The following FBXL12 variants were observed in gnomAD, a reference collection of about 807,000 sequenced individuals.
FBXL12 encodes F-box and leucine rich repeat protein 12, also known as F-box/LRR-repeat protein 12.
Under a neutral mutation model 24.9 loss-of-function variants are expected in FBXL12, and 22 were observed. That is an observed-to-expected ratio of 0.88 (90% CI 0.63 to 1.26). The LOEUF is 1.26. FBXL12 is among the 50% of genes most tolerant of loss of function. The pLI, the probability that FBXL12 is intolerant of heterozygous loss-of-function variation, is 0.00. For synonymous variants in FBXL12, 193 were observed against 193.8 expected (o/e 1.00, Z 0.03); for missense variants, 384 against 434.1 (o/e 0.88, Z 1.03).
intron 2 of FBXL12, chr19:9,814,640 T>C (rs1221227388): frequency 1.4e-5 from 2 of 141,748 alleles, no homozygotes; most frequent in Non-Finnish European, 3.0e-5. Context: ...GAGGTTGCAG[T>C]GAGCTGAGAT....
rs573743182 is a variant in FBXL12 at position 9,818,528 on chromosome 19, C to A, written c.159+17G>T. 2 of 1,540,616 alleles carry A rather than the reference C, an allele frequency of 1.3e-6. No individual in the cohort carries two copies. Among genetic ancestry groups the A allele is most frequent in the African/African-American group, 1.4e-5 (1 of 73,332 alleles). Reference sequence around the variant, plus strand: ...ACCGCGACCGCGGCCCAGGCCCGCCCGGCCAGCTGCGCGTACCGTGTAGAG... The same window carrying A: ...ACCGCGACCGCGGCCCAGGCCCGCCAGGCCAGCTGCGCGTACCGTGTAGAG... On this transcript the variant is annotated intron_variant, in intron 2 of 2. Transcript: ENST00000247977.
rs533301173 is a variant in FBXL12 at position 9,810,921 on chromosome 19, T to C, written c.956A>G (p.Lys319Arg). ...HCMVIVRACP[K>R]ESMDWWM ...TTACATCCACCAGTCCATAGACTCTTTGGGGCAAGCCCTGACGATGACCAT... is the reference window on the plus strand; with the variant it reads ...TTACATCCACCAGTCCATAGACTCTCTGGGGCAAGCCCTGACGATGACCAT... The change falls in exon 3 of 3, where the codon AAA (lysine) becomes AGA (arginine). Residue 319 changes from lysine (K) to arginine (R), a missense_variant. Physicochemically the swap from Lys to Arg is conservative, Grantham distance 26. Transcript: ENST00000247977. 2 of 1,595,448 alleles carry C rather than the reference T, an allele frequency of 1.3e-6. No homozygotes were observed. Among genetic ancestry groups the C allele is most frequent in the African/African-American group, 2.7e-5 (2 of 74,702 alleles).
intron 2 of FBXL12, 98 bp downstream of exon 2, chr19:9,818,447 G>C: frequency 3.8e-6 from 5 of 1,329,482 alleles, no homozygotes; most frequent in Non-Finnish European, 5.1e-6. Context: ...TAAATCCCCA[G>C]CCCGGGCCCC....
intron 2 of FBXL12, among the ~76,000 whole-genome samples, chr19:9,812,750 G>C (rs1240151501): frequency 7.1e-6 from 1 of 141,492 alleles, no homozygotes; most frequent in African/African-American, 2.7e-5. Context: ...GAGTAAATTA[G>C]GTCTATGTTA....
chr19:9,818,540 C>A lies in FBXL12; in HGVS notation c.159+5G>T, dbSNP rs1314543038. On this transcript the variant is annotated splice_donor_5th_base_variant and intron_variant, in intron 2 of 2. Coordinates refer to ENST00000247977, the MANE Select transcript of FBXL12 (RefSeq NM_017703.3). Reference sequence around the variant, plus strand: ...GCCCAGGCCCGCCCGGCCAGCTGCGCGTACCGTGTAGAGCGTCAGGTCGAC... The same window carrying A: ...GCCCAGGCCCGCCCGGCCAGCTGCGAGTACCGTGTAGAGCGTCAGGTCGAC... 10 of 1,544,828 alleles carry A rather than the reference C, an allele frequency of 6.5e-6. No homozygotes were observed. Among genetic ancestry groups the A allele is most frequent in the East Asian group, 2.4e-5 (1 of 41,360 alleles).
Position 9,811,818 on chromosome 19 carries a change from G to T in FBXL12, c.160-101C>A. The T allele has an allele frequency of 9.9e-7, 1 of 1,007,076 alleles. No individual in the cohort carries two copies. Among genetic ancestry groups the T allele is most frequent in the Non-Finnish European group, 1.4e-6 (1 of 730,826 alleles). 62.4% of individuals were successfully genotyped at this position (1,007,076 alleles called of 1,614,324 possible). A position where few individuals can be genotyped will look rare whatever the true frequency, so the allele number is the denominator to read the frequency against. ...CAACCCCGGGGTGGGGGATTCTGGT[G>T]CCCTGCTGGGCTTCTGCCCTTGCCT... is the stretch of plus-strand genomic sequence containing the variant. On this transcript the variant is annotated intron_variant, in intron 2 of 2. Transcript: ENST00000247977. The surrounding 1 kb of genome is among the most constrained non-coding windows in gnomAD (Gnocchi z 6.0).
intron 2 of FBXL12, chr19:9,818,170 CCA>C: frequency 2.4e-6 from 1 of 414,654 alleles, no homozygotes; most frequent in South Asian, 8.7e-5. Context: ...CCACTGCACT[CCA>C]GCCTGAGCAG....
chr19:9,811,576 A>T lies in FBXL12; in HGVS notation c.301T>A (p.Cys101Ser). The change falls in exon 3 of 3, where the codon TGC becomes AGC. Residue 101 changes from cysteine (C) to serine (S), a missense_variant. By Grantham distance (112) the Cys-to-Ser change is moderately radical (BLOSUM62 -1). Coordinates refer to ENST00000247977, the MANE Select transcript of FBXL12 (RefSeq NM_017703.3). The surrounding 1 kb of genome is among the most constrained non-coding windows in gnomAD (Gnocchi z 6.0). ...AGGCAGAGGCGCTTCAGGTTGGGGC[A>T]CTTCTGGCCCAGGGCTCTCAACAGA... ...PALLRALGQK[C>S]PNLKRLCLHV... The T allele has an allele frequency of 7.5e-6, 12 of 1,590,040 alleles. No individual in the cohort carries two copies. The highest frequency in any genetic ancestry group is 1.0e-5 in the Non-Finnish European group (12 of 1,166,106).
At chr19:9,813,345 T>C in intron 2 of FBXL12, 1 of 1,031,150 alleles carries the variant, frequency 9.7e-7, no homozygotes, top group Non-Finnish European at 1.2e-6. Context: ...TCTTTTCTTT[T>C]CTTTTTTTTT....
rs1465437117 is a variant in FBXL12 at position 9,818,609 on chromosome 19, T to G, written c.95A>C (p.His32Pro). The stretch of plus-strand genomic sequence containing the variant: ...GTCGTCCACCAGCCTCTTCCAGCGG[T>G]GACAGACCCTGGGGGAGGGGACGCG... Reference protein sequence around the residue: ...RDRIRISRVCHRWKRLVDDRW... With the variant: ...RDRIRISRVCPRWKRLVDDRW... The change falls in exon 2 of 3, where the codon CAC becomes CCC. Residue 32 changes from histidine (H) to proline (P), a missense_variant. Physicochemically the swap from His to Pro is moderately conservative, Grantham distance 77. Transcript: ENST00000247977. 9.6e-6 allele frequency: 15 copies of G among 1,554,714 alleles called. No individual in the cohort carries two copies. The highest frequency in any genetic ancestry group is 1.3e-5 in the Non-Finnish European group (15 of 1,149,684).
In FBXL12 at chr19:9,810,762, C is replaced by A. The variant is rs2045723034; in HGVS notation, c.*134G>T. On this transcript the variant is annotated 3_prime_UTR_variant, in exon 3 of 3. Coordinates refer to ENST00000247977, the MANE Select transcript of FBXL12 (RefSeq NM_017703.3). ...AGTGATTCCAATGGTCTGGAGGTCC[C>A]TAGGCCTCTGTTCTCTCAACCTGGG... 1 of 671,656 alleles carries A rather than the reference C, an allele frequency of 1.5e-6. No homozygotes were observed. The highest frequency in any genetic ancestry group is 2.5e-6 in the Non-Finnish European group (1 of 404,482). The allele number at this position is 671,656 out of a possible 1,614,324, so 41.6% of individuals were successfully genotyped here.
Position 9,811,194 on chromosome 19 carries a change from C to T in FBXL12, c.683G>A (p.Arg228Gln), listed in dbSNP as rs375844904. 1.2e-5 allele frequency: 20 copies of T among 1,613,142 alleles called. No individual in the cohort carries two copies. The highest frequency in any genetic ancestry group is 6.7e-5 in the Admixed American group (4 of 59,972). ...STLLAISRHL[R>Q]DVRKIRLTVR... ...GGTCAGCCGGATCTTGCGCACATCT[C>T]GGAGGTGGCGGCTGATGGCCAGCAG... is the stretch of plus-strand genomic sequence containing the variant. Residue 228 changes from arginine to glutamine, a missense_variant, in exon 3 of 3, where the codon CGA (arginine) becomes CAA (glutamine). Transcript: ENST00000247977. This position sits in a 1 kb window ranked among gnomAD's most constrained non-coding sequence, Gnocchi z 6.0.
At position 9,818,791 on chromosome 19, in the gene FBXL12, G is replaced by A; in HGVS notation, c.23C>T (p.Pro8Leu). ...GAAGATCTCGAGCAGGACCGAGTCC[G>A]GCAGTTCGACCAAAGTCGCCATGAT... MATLVELPDSVLLEIFSY... is the reference protein window; with the variant it reads MATLVELLDSVLLEIFSY... The change falls in exon 1 of 3, where the codon CCG (proline) becomes CTG (leucine). Residue 8 changes from proline to leucine, a missense_variant. Transcript: ENST00000247977. 1 of 1,554,400 alleles carries A rather than the reference G, an allele frequency of 6.4e-7. No homozygotes were observed. Among genetic ancestry groups the A allele is most frequent in the Non-Finnish European group, 8.7e-7 (1 of 1,147,398 alleles).
rs2045728588 is a variant in FBXL12 at position 9,810,935 on chromosome 19, G to A, written c.942C>T (p.Val314=). The A allele has an allele frequency of 6.2e-7, 1 of 1,601,012 alleles. No individual in the cohort carries two copies. Among genetic ancestry groups the A allele is most frequent in the Non-Finnish European group, 8.6e-7 (1 of 1,169,582 alleles). Residue 314 remains valine, a synonymous_variant, in exon 3 of 3, where the codon GTC becomes GTT. Coordinates refer to ENST00000247977, the MANE Select transcript of FBXL12 (RefSeq NM_017703.3). ...CKGLPHCMVI[V]RACPKESMDW... is the part of the protein sequence containing the mutation. ...CCATAGACTCTTTGGGGCAAGCCCT[G>A]ACGATGACCATACAGTGGGGCAGCC...
chr19:9,818,077 TGG>T, intron 2 of FBXL12: 2 of 365,856 alleles, frequency 5.5e-6, no homozygotes, highest in Non-Finnish European at 9.7e-6. Context: ...GCAGGTGTAG[TGG>T]CGAGCGCCCG....
Position 9,818,574 on chromosome 19 carries a change from A to G in FBXL12, c.130T>C (p.Trp44Arg). 1 of 1,552,852 alleles carries G rather than the reference A, an allele frequency of 6.4e-7. No homozygotes were observed. The highest frequency in any genetic ancestry group is 8.7e-7 in the Non-Finnish European group (1 of 1,150,784). ...WKRLVDDRWL[W>R]RHVDLTLYTM... ...TAGAGCGTCAGGTCGACATGTCGCCACAGCCACCGGTCGTCCACCAGCCTC... is the reference window on the plus strand; with the variant it reads ...TAGAGCGTCAGGTCGACATGTCGCCGCAGCCACCGGTCGTCCACCAGCCTC... The change falls in exon 2 of 3, where the codon TGG (tryptophan) becomes CGG (arginine). Residue 44 changes from tryptophan to arginine, a missense_variant. Physicochemically the swap from Trp to Arg is moderately radical, Grantham distance 101 (BLOSUM62 -3). Transcript: ENST00000247977.
In FBXL12 at chr19:9,811,786, A is replaced by G; in HGVS notation, c.160-69T>C. On this transcript the variant is annotated intron_variant, in intron 2 of 2. Transcript: ENST00000247977. This position sits in a 1 kb window ranked among gnomAD's most constrained non-coding sequence, Gnocchi z 6.0. ...GCTTCCAAGGCCCCTGCTGGGCTGGAGACACACAACCCCGGGGTGGGGGAT... is the reference window on the plus strand; with the variant it reads ...GCTTCCAAGGCCCCTGCTGGGCTGGGGACACACAACCCCGGGGTGGGGGAT... The G allele has an allele frequency of 7.4e-7, 1 of 1,346,088 alleles. No homozygotes were observed. The highest frequency in any genetic ancestry group is 9.9e-7 in the Non-Finnish European group (1 of 1,009,564). The allele number at this position is 1,346,088 out of a possible 1,614,324, so 83.4% of individuals were successfully genotyped here.
chr19:9,814,191 T>G (rs2045826767), intron 2 of FBXL12: 1 of 165,010 alleles, frequency 6.1e-6, no homozygotes, highest in Non-Finnish European at 1.3e-5. Context: ...GAAAGGCACT[T>G]CTTACATGGC....
intron 2 of FBXL12, chr19:9,813,457 T>TC (rs1277847262): frequency 9.5e-6 from 3 of 317,006 alleles, no homozygotes; most frequent in African/African-American, 6.5e-5. Flanking sequence ...TGCCTTAGCC[T>TC]CCTGAGTAGC....
Sources: allele counts gnomAD v4.1 joint callset (sites outside exome capture counted in the v4.1 genomes callset), GRCh38; gene constraint gnomAD v4.1.1; non-coding constraint Gnocchi (gnomAD v3.1); transcripts MANE v1.5; gene names NCBI Gene and HGNC (gene_info 2026-07-23, HGNC 2026-07-21).